RASSF3: variants seen among roughly 807,000 people sequenced by gnomAD.
RASSF3 encodes the protein ras association domain-containing protein 3.
A neutral mutation model predicts 19.9 loss-of-function variants in RASSF3; 19 were observed. The ratio of observed to expected loss-of-function variants is 0.96; its 90% CI spans 0.67 to 1.40. The LOEUF (loss-of-function observed/expected upper bound fraction) is 1.40. Among genes scored for constraint, RASSF3 ranks in the 40% most tolerant of loss-of-function variants. The pLI, the probability that RASSF3 is intolerant of heterozygous loss-of-function variation, is 0.00. For missense variants in RASSF3, 306 were observed against 289.8 expected (o/e 1.06, Z -0.41); for synonymous variants, 110 against 104.2 (o/e 1.06, Z -0.34).
At chr12:64,571,500 G>C (rs995149249) in intron 2 of RASSF3, among the ~76,000 whole-genome samples, 1 of 152,146 alleles carries the variant, frequency 6.6e-6, no homozygotes. Context: ...ACATCTGTCT[G>C]GAGATGTGCT....
At chr12:64,596,768 T>G (rs1464730924) in intron 2 of RASSF3, among the ~76,000 whole-genome samples, 2 of 152,174 alleles carry the variant, frequency 1.3e-5, no homozygotes, top group Non-Finnish European at 2.9e-5. Context: ...TTGCTCTTGT[T>G]GCCCAGGCTG....
At chr12:64,527,236 A>T (rs899417250) in intron 1 of RASSF3, among the ~76,000 whole-genome samples, 2 of 152,204 alleles carry the variant, frequency 1.3e-5, no homozygotes, top group African/African-American at 4.8e-5. Context: ...AGAGAACCGG[A>T]CTAAGAACAG....
At chr12:64,553,576 T>C (rs150328873) in intron 2 of RASSF3, among the ~76,000 whole-genome samples, 3 of 152,320 alleles carry the variant, frequency 2.0e-5, no homozygotes, top group African/African-American at 7.2e-5. Context: ...AGACGAGACC[T>C]TGGATGTCAG....
intron 1 of RASSF3, among the ~76,000 whole-genome samples, chr12:64,513,981 G>T (rs1198038969): frequency 6.7e-6 from 1 of 150,156 alleles, no homozygotes; most frequent in African/African-American, 2.5e-5. Context: ...CTGGGTTCAA[G>T]CAATTCTCCT....
intron 2 of RASSF3, chr12:64,575,553 C>G (rs1869581959): frequency 6.6e-6 from 1 of 152,120 alleles, no homozygotes; most frequent in Admixed American, 6.6e-5. Context: ...AACCTCACCT[C>G]TGTTTGTTTT....
chr12:64,642,399 A>C (rs1039528840), intron 1 of RASSF3, among the ~76,000 whole-genome samples: 2 of 151,650 alleles, frequency 1.3e-5, no homozygotes, highest in Non-Finnish European at 2.9e-5. Context: ...GTCTCTACTA[A>C]AAATACAAAA....
intron 1 of RASSF3, among the ~76,000 whole-genome samples, chr12:64,625,971 G>A (rs923699407): frequency 2.0e-5 from 3 of 152,072 alleles, no homozygotes; most frequent in African/African-American, 4.8e-5. Context: ...CCTACAGGCC[G>A]GATGCGCCTT....
At chr12:64,679,762 G>A (rs2136214890) in intron 1 of RASSF3, among the ~76,000 whole-genome samples, 1 of 152,148 alleles carries the variant, frequency 6.6e-6, no homozygotes, top group East Asian at 1.9e-4. Context: ...TTTTGTGGAA[G>A]AACTCTTCCT....
intron 2 of RASSF3, among the ~76,000 whole-genome samples, chr12:64,586,280 C>T (rs1288288269): frequency 6.6e-6 from 1 of 150,626 alleles, no homozygotes; most frequent in South Asian, 2.1e-4. Flanking sequence ...GCCGAGATTG[C>T]ACCTCTGCAC....
At chr12:64,640,570 A>T (rs570728744) in intron 1 of RASSF3, among the ~76,000 whole-genome samples, 1 of 152,258 alleles carries the variant, frequency 6.6e-6, no homozygotes, top group Admixed American at 6.5e-5. Flanking sequence ...TCCTTCTGTG[A>T]CTGATTTTAT....
chr12:64,513,355 CAGA>C (rs1174580511), intron 1 of RASSF3, among the ~76,000 whole-genome samples: 1 of 150,966 alleles, frequency 6.6e-6, no homozygotes. Context: ...GAGGCTGACG[CAGA>C]AGAATTGCTT....
At chr12:64,626,203 G>A (rs1214078826) in intron 1 of RASSF3, among the ~76,000 whole-genome samples, 1 of 152,008 alleles carries the variant, frequency 6.6e-6, no homozygotes, top group East Asian at 1.9e-4. Flanking sequence ...AAAGGGCTTG[G>A]AACTATACCT....
At chr12:64,631,577 ATGTATG>A (rs1455804338) in intron 1 of RASSF3, among the ~76,000 whole-genome samples, 1 of 139,966 alleles carries the variant, frequency 7.1e-6, no homozygotes, top group Non-Finnish European at 1.6e-5. Flanking sequence ...GTATGTATGT[ATGTATG>A]TATGTTGAGA....
chr12:64,614,459 T>C lies in RASSF3; in HGVS notation c.111+3716T>C, dbSNP rs556168217. On this transcript the variant is annotated intron_variant, in intron 1 of 4. Transcript: ENST00000542104. ...CTTTACCATTTTCAAATGTACTGTATCTTATGGTGCTCCCAAAAACTGTAT... is the reference window on the plus strand; with the variant it reads ...CTTTACCATTTTCAAATGTACTGTACCTTATGGTGCTCCCAAAAACTGTAT... 1.3e-4 allele frequency among the ~76,000 whole-genome samples: 20 copies of C among 152,142 alleles called. No homozygotes were observed. In the East Asian group the frequency reaches 3.9e-3, roughly 29 times the overall value.
chr12:64,626,586 C>T (rs1257016139), intron 1 of RASSF3, among the ~76,000 whole-genome samples: 1 of 151,340 alleles, frequency 6.6e-6, no homozygotes, highest in Non-Finnish European at 1.5e-5. Flanking sequence ...GAGACAGGGT[C>T]TCGCTGTGTC....
downstream of RASSF3, among the ~76,000 whole-genome samples, chr12:64,546,095 CAAAAAAAAAAAA>C (rs34666595): frequency 1.7e-5 from 1 of 59,560 alleles, no homozygotes; most frequent in South Asian, 8.2e-4. Context: ...GACTCCGTCT[CAAAAAAAAAAAA>C]AAAAAAAAAA....
upstream of RASSF3, among the ~76,000 whole-genome samples, chr12:64,529,276 C>G (rs957967287): frequency 6.6e-6 from 1 of 152,084 alleles, no homozygotes; most frequent in Non-Finnish European, 1.5e-5. Context: ...AACTGAGCAC[C>G]ACATTAAGCT....
At chr12:64,676,055 C>T (rs1403116842) in intron 1 of RASSF3, among the ~76,000 whole-genome samples, 2 of 152,088 alleles carry the variant, frequency 1.3e-5, no homozygotes, top group Non-Finnish European at 2.9e-5. Context: ...ATTATCAACA[C>T]TGGTGCCGTG....
intron 2 of RASSF3, among the ~76,000 whole-genome samples, chr12:64,584,776 A>T (rs1249288457): frequency 6.6e-6 from 1 of 151,790 alleles, no homozygotes; most frequent in Admixed American, 6.6e-5. Context: ...ACCCTTAGCA[A>T]ATTTCGGGGG....
Sources: allele counts gnomAD v4.1 joint callset (sites outside exome capture counted in the v4.1 genomes callset), GRCh38; gene constraint gnomAD v4.1.1; transcripts MANE v1.5; gene names NCBI Gene and HGNC (gene_info 2026-07-23, HGNC 2026-07-21).